Variants in SERGEF observed in about 807,000 individuals in gnomAD.
SERGEF encodes secretion-regulating guanine nucleotide exchange factor.
In SERGEF, 51 loss-of-function variants were observed where a neutral mutation model predicts 50.0. That is an observed-to-expected ratio of 1.02 (90% confidence interval 0.81 to 1.29). The LOEUF is 1.29. Ranked by LOEUF, SERGEF falls within the 50% of genes most tolerant of loss-of-function variation. SERGEF has a pLI of 0.00. For synonymous variants in SERGEF, 205 were observed against 212.4 expected, an observed-to-expected ratio of 0.97 and a Z score of 0.30; for missense variants, 521 against 557.0, an observed-to-expected ratio of 0.94 and a Z score of 0.65.
chr11:17,830,154 A>G (rs1850267845), intron 10 of SERGEF, among the ~76,000 whole-genome samples: 1 of 152,224 alleles, frequency 6.6e-6, no homozygotes, highest in Non-Finnish European at 1.5e-5. Context: ...CACTGTATTG[A>G]ACACTCACAT....
At chr11:17,830,428 C>T (rs557133591) in intron 10 of SERGEF, among the ~76,000 whole-genome samples, 14 of 152,112 alleles carry the variant, frequency 9.2e-5, no homozygotes, top group South Asian at 2.1e-4. Context: ...AAATAATAGA[C>T]GTTTATTGGT....
chr11:18,009,453 G>T (rs111274227), intron 1 of SERGEF, among the ~76,000 whole-genome samples: 65 of 152,230 alleles, frequency 4.3e-4, no homozygotes, highest in Non-Finnish European at 8.2e-4. Flanking sequence ...GAGAGAAATG[G>T]CATCAAAATG....
intron 10 of SERGEF, among the ~76,000 whole-genome samples, chr11:17,819,965 G>A (rs190587630): frequency 5.7e-4 from 86 of 152,208 alleles, no homozygotes; most frequent in African/African-American, 2.0e-3. Flanking sequence ...AGCCTCCAGG[G>A]GAGCTGGGAC....
At chr11:17,916,213 C>T (rs923854554) in intron 9 of SERGEF, among the ~76,000 whole-genome samples, 15 of 152,290 alleles carry the variant, frequency 9.8e-5, no homozygotes, top group African/African-American at 3.6e-4. Context: ...ATACATCGCT[C>T]TATCACCTGG....
intron 5 of SERGEF, 75 bp from the exon 6 acceptor site, chr11:17,995,984 T>C (rs1044907396): frequency 1.0e-5 from 10 of 986,792 alleles, no homozygotes; most frequent in Admixed American, 3.9e-5. Context: ...TGAACCTCAC[T>C]GCTATGAGAA....
chr11:17,852,890 T>A (rs1183980888), intron 10 of SERGEF, among the ~76,000 whole-genome samples: 1 of 152,152 alleles, frequency 6.6e-6, no homozygotes, highest in African/African-American at 2.4e-5. Context: ...GTGCTTCCCA[T>A]AAGCCACTCA....
chr11:17,809,476 A>G (rs999368803), intron 10 of SERGEF, among the ~76,000 whole-genome samples: 2 of 152,166 alleles, frequency 1.3e-5, no homozygotes, highest in African/African-American at 4.8e-5. Flanking sequence ...CATAATAACA[A>G]TCATCAATAT....
chr11:17,945,133 T>C (rs888734865), intron 9 of SERGEF, among the ~76,000 whole-genome samples: 1 of 152,262 alleles, frequency 6.6e-6, no homozygotes, highest in Non-Finnish European at 1.5e-5. Flanking sequence ...TAGGAGTATA[T>C]TGAATTGTTC....
rs1272916971 is a variant in SERGEF, at chr11:17,998,436, CATACATATATATATATATATATAT to C, written c.508+2037_508+2060del. Among the ~76,000 whole-genome samples, 44 of 46,276 alleles carry C rather than the reference CATACATATATATATATATATATAT, an allele frequency of 9.5e-4. 3 individuals are homozygous for C. The highest frequency in any genetic ancestry group is 3.1e-3 in the African/African-American group (38 of 12,444). The allele number at this position is 46,276 out of a possible 152,430, so 30.4% of individuals were successfully genotyped here. A position where few individuals can be genotyped will look rare whatever the true frequency, so the allele number is the denominator to read the frequency against. ...TATCTTAAAAATACATACATACATA[CATACATATATATATATATATATAT>C]ATATATATATATATATATATATATA... On this transcript the variant is annotated intron_variant, in intron 5 of 10. Transcript: ENST00000265965.
At chr11:17,988,961 A>G (rs528950186) in intron 7 of SERGEF, among the ~76,000 whole-genome samples, 1 of 152,358 alleles carries the variant, frequency 6.6e-6, no homozygotes, top group Admixed American at 6.5e-5. Context: ...CATAAAAAAC[A>G]AGGCCAAATG....
chr11:18,004,963 G>A (rs1288187016), intron 3 of SERGEF, among the ~76,000 whole-genome samples: 1 of 152,200 alleles, frequency 6.6e-6, no homozygotes, highest in Non-Finnish European at 1.5e-5. Context: ...GGACATGTGT[G>A]GCTTGGCACC....
chr11:17,948,095 A>G (rs919580845), intron 9 of SERGEF, among the ~76,000 whole-genome samples: 1 of 151,920 alleles, frequency 6.6e-6, no homozygotes. Context: ...CGCCATGCCT[A>G]ATGTTTGTGT....
At chr11:17,914,537 G>C (rs1327180249) in intron 9 of SERGEF, among the ~76,000 whole-genome samples, 1 of 152,158 alleles carries the variant, frequency 6.6e-6, no homozygotes, top group African/African-American at 2.4e-5. Context: ...TCCAGCCTCA[G>C]CCTTCTGAGT....
At chr11:17,838,453 T>C (rs193097472) in intron 10 of SERGEF, among the ~76,000 whole-genome samples, 18 of 152,226 alleles carry the variant, frequency 1.2e-4, no homozygotes, top group Admixed American at 2.0e-4. Flanking sequence ...GAAAGACCAC[T>C]AGATTAGAAG....
chr11:17,944,174 G>A (rs191329530), intron 9 of SERGEF, among the ~76,000 whole-genome samples: 120 of 152,184 alleles, frequency 7.9e-4, no homozygotes, highest in Admixed American at 4.1e-3. Flanking sequence ...TGATCCGCCC[G>A]CCTCGGCCTC....
chr11:17,911,471 T>C (rs1851952635), intron 9 of SERGEF, among the ~76,000 whole-genome samples: 1 of 151,302 alleles, frequency 6.6e-6, no homozygotes, highest in Non-Finnish European at 1.5e-5. Flanking sequence ...AGTAAAAATT[T>C]TTTTTTGAGA....
intron 10 of SERGEF, among the ~76,000 whole-genome samples, chr11:17,808,212 C>T (rs1005725638): frequency 2.6e-5 from 4 of 152,166 alleles, no homozygotes; most frequent in African/African-American, 4.8e-5. Flanking sequence ...TGTATTAGTC[C>T]GTGCTTGTGT....
chr11:17,906,883 T>C (rs1378222282), intron 9 of SERGEF, among the ~76,000 whole-genome samples: 3 of 151,376 alleles, frequency 2.0e-5, no homozygotes, highest in Non-Finnish European at 4.4e-5. Flanking sequence ...TTCGATCTTA[T>C]GAAACTGAAT....
At chr11:17,861,712 A>AAGGGCTGG (rs1850930015) in intron 10 of SERGEF, among the ~76,000 whole-genome samples, 2 of 152,264 alleles carry the variant, frequency 1.3e-5, no homozygotes, top group Admixed American at 1.3e-4. Context: ...GGGAAGAGAA[A>AAGGGCTGG]AGGGCTGGCT....
Sources: allele counts gnomAD v4.1 joint callset (sites outside exome capture counted in the v4.1 genomes callset), GRCh38; gene constraint gnomAD v4.1.1; transcripts MANE v1.5; gene names NCBI Gene and HGNC (gene_info 2026-07-23, HGNC 2026-07-21).